The following CYP39A1 variants were observed in gnomAD, a reference collection of about 807,000 sequenced individuals.
CYP39A1 encodes the protein cytochrome P450 family 39 subfamily A member 1.
A neutral mutation model predicts 58.1 loss-of-function variants in CYP39A1; 49 were observed. That is an observed-to-expected ratio of 0.84 (90% CI 0.67 to 1.07). The LOEUF (loss-of-function observed/expected upper bound fraction) is 1.07. Among genes scored for constraint, CYP39A1 ranks in the 50% least tolerant of loss-of-function variants. The pLI is 0.00. For missense variants in CYP39A1, 531 were observed against 539.4 expected, an observed-to-expected ratio of 0.98 and a Z score of 0.16; for synonymous variants, 209 against 187.6, an observed-to-expected ratio of 1.11 and a Z score of -0.93.
At chr6:46,651,385 A>C (rs1271582600) in intron 1 of CYP39A1, among the ~76,000 whole-genome samples, 1 of 152,240 alleles carries the variant, frequency 6.6e-6, no homozygotes, top group Admixed American at 6.5e-5. Flanking sequence ...ATTTCATGGT[A>C]CAGGAAAGTC....
intron 10 of CYP39A1, among the ~76,000 whole-genome samples, chr6:46,579,855 T>C (rs1305202186): frequency 6.6e-6 from 1 of 151,954 alleles, no homozygotes; most frequent in Non-Finnish European, 1.5e-5. Flanking sequence ...AAATCAGATA[T>C]GACACAAACA....
intron 10 of CYP39A1, among the ~76,000 whole-genome samples, chr6:46,573,570 C>T (rs1298258280): frequency 1.3e-5 from 2 of 152,158 alleles, no homozygotes; most frequent in East Asian, 3.9e-4. Context: ...CCTCTTGGTG[C>T]TGAGTCTGTC....
At chr6:46,626,898 T>G (rs1775343962) in intron 6 of CYP39A1, among the ~76,000 whole-genome samples, 1 of 152,172 alleles carries the variant, frequency 6.6e-6, no homozygotes, top group Non-Finnish European at 1.5e-5. Flanking sequence ...AAAATAGTGA[T>G]AAGACATAAT....
intron 7 of CYP39A1, among the ~76,000 whole-genome samples, chr6:46,612,058 G>T (rs1296922301): frequency 6.6e-6 from 1 of 152,134 alleles, no homozygotes; most frequent in Non-Finnish European, 1.5e-5. Flanking sequence ...TAAAATGAGA[G>T]GCACCAGAGT....
At chr6:46,614,871 G>A (rs1277106927) in intron 7 of CYP39A1, among the ~76,000 whole-genome samples, 1 of 152,184 alleles carries the variant, frequency 6.6e-6, no homozygotes, top group Non-Finnish European at 1.5e-5. Flanking sequence ...GGTCTGGCAA[G>A]CATGACACTG....
At chr6:46,631,109 G>T in intron 5 of CYP39A1, 39 bp from the exon 6 acceptor site, 2 of 1,421,508 alleles carry the variant, frequency 1.4e-6, no homozygotes, top group Non-Finnish European at 9.9e-7. Context: ...CCATGGCTAT[G>T]TGACAAATAT....
intron 11 of CYP39A1, among the ~76,000 whole-genome samples, chr6:46,552,425 A>C (rs760217604): frequency 1.3e-5 from 2 of 152,248 alleles, no homozygotes; most frequent in Non-Finnish European, 2.9e-5. Context: ...GTGCAAAAGA[A>C]ATCAAGTGAA....
At chr6:46,637,750 C>G in intron 4 of CYP39A1, 79 bp downstream of exon 4, 1 of 1,491,028 alleles carries the variant, frequency 6.7e-7, no homozygotes, top group Non-Finnish European at 9.2e-7. Flanking sequence ...GTTACATCTA[C>G]TTAGAACAGA....
intron 8 of CYP39A1, among the ~76,000 whole-genome samples, chr6:46,589,604 G>C (rs912722103): frequency 6.6e-6 from 1 of 152,060 alleles, no homozygotes; most frequent in Non-Finnish European, 1.5e-5. Context: ...GGGAGAGCTG[G>C]AGAGACTCAA....
intron 8 of CYP39A1, among the ~76,000 whole-genome samples, chr6:46,595,491 C>T (rs528044604): frequency 5.4e-4 from 82 of 151,956 alleles, no homozygotes; most frequent in African/African-American, 1.9e-3. Flanking sequence ...GGAAGAATGA[C>T]AAACCACATA....
intron 7 of CYP39A1, among the ~76,000 whole-genome samples, chr6:46,610,984 G>C (rs560728937): frequency 3.5e-4 from 53 of 152,304 alleles, no homozygotes; most frequent in African/African-American, 1.3e-3. Flanking sequence ...AGTATCTGTG[G>C]TGAATACAGA....
At chr6:46,634,666 C>T (rs577894191) in intron 5 of CYP39A1, among the ~76,000 whole-genome samples, 5 of 151,734 alleles carry the variant, frequency 3.3e-5, no homozygotes, top group East Asian at 2.0e-4. Flanking sequence ...GGATTACAGG[C>T]GCGCACCACC....
chr6:46,651,027 C>G (rs1284175431), intron 1 of CYP39A1, among the ~76,000 whole-genome samples: 2 of 152,112 alleles, frequency 1.3e-5, no homozygotes, highest in African/African-American at 4.8e-5. Flanking sequence ...TTCAGTATGG[C>G]CCAGGATTTG....
chr6:46,573,673 C>T (rs1035080363), intron 10 of CYP39A1, among the ~76,000 whole-genome samples: 1 of 152,100 alleles, frequency 6.6e-6, no homozygotes, highest in African/African-American at 2.4e-5. Flanking sequence ...CATAGGTGAT[C>T]AGAGCAACAT....
chr6:46,570,189 C>T (rs1000606554), intron 10 of CYP39A1, among the ~76,000 whole-genome samples: 1 of 151,882 alleles, frequency 6.6e-6, no homozygotes, highest in African/African-American at 2.4e-5. Flanking sequence ...TATCTGTTGT[C>T]CTCCTTCACT....
rs374352401 is a variant in CYP39A1 at position 46,588,004 on chromosome 6, G to T, written c.1161+30C>A. On this transcript the variant is annotated intron_variant, in intron 9 of 11. Coordinates refer to ENST00000275016, the MANE Select transcript of CYP39A1 (RefSeq NM_016593.5). ...GAAATAAAAAGAAATTAAAATGAAA[G>T]AATAATATATACTGAAAGAGATAAC... The T allele has an allele frequency of 7.7e-4, 971 of 1,266,110 alleles. 14 individuals carry two copies. In the South Asian group the frequency reaches 0.013, roughly 17 times the overall value. The allele number at this position is 1,266,110 out of a possible 1,614,324, so 78.4% of individuals were successfully genotyped here. A position where few individuals can be genotyped will look rare whatever the true frequency, so the allele number is the denominator to read the frequency against.
At chr6:46,605,720 T>C (rs1297111395) in intron 7 of CYP39A1, among the ~76,000 whole-genome samples, 1 of 152,140 alleles carries the variant, frequency 6.6e-6, no homozygotes, top group Non-Finnish European at 1.5e-5. Flanking sequence ...GTCCAAACAA[T>C]TTACCTTTAT....
intron 10 of CYP39A1, among the ~76,000 whole-genome samples, chr6:46,570,836 A>G (rs2150493737): frequency 6.6e-6 from 1 of 152,322 alleles, no homozygotes; most frequent in East Asian, 1.9e-4. Context: ...CCTCACTATC[A>G]AAACACCTCC....
At chr6:46,592,626 C>T (rs1772907719) in intron 8 of CYP39A1, among the ~76,000 whole-genome samples, 2 of 152,102 alleles carry the variant, frequency 1.3e-5, no homozygotes, top group African/African-American at 2.4e-5. Context: ...GACTTTGCTA[C>T]CAATTCAAAA....
Sources: gnomAD v4.1 joint callset for allele counts (sites outside exome capture counted in the v4.1 genomes callset) on GRCh38, gnomAD v4.1.1 for gene constraint, MANE v1.5 for transcripts, NCBI Gene and HGNC (gene_info 2026-07-23, HGNC 2026-07-21) for gene names.